Variants in KIAA1755 observed in about 807,000 individuals in gnomAD.
KIAA1755 encodes the protein KIAA1755, also known as uncharacterized protein KIAA1755.
A neutral mutation model predicts 91.7 loss-of-function variants in KIAA1755; 68 were observed. That is an observed-to-expected ratio of 0.74 (90% CI 0.61 to 0.91). The LOEUF is 0.91. KIAA1755 is among the 40% of genes least tolerant of loss of function. The probability of loss-of-function intolerance (pLI) is 0.00; values close to 1 mark genes in which losing one functional copy is unlikely to be tolerated. For synonymous variants in KIAA1755, 610 were observed against 604.6 expected (o/e 1.01, Z -0.13); for missense variants, 1,535 against 1,494.4 (o/e 1.03, Z -0.45).
intron 5 of KIAA1755, among the ~76,000 whole-genome samples, chr20:38,228,835 A>G (rs2075807734): frequency 2.0e-5 from 3 of 152,212 alleles, no homozygotes; most frequent in African/African-American, 4.8e-5. Context: ...CTTAACAGAT[A>G]AAACATTTTA....
intron 2 of KIAA1755, among the ~76,000 whole-genome samples, chr20:38,244,033 C>G (rs970983022): frequency 6.6e-6 from 1 of 152,174 alleles, no homozygotes; most frequent in African/African-American, 2.4e-5. Context: ...AGAAGCCATC[C>G]TGTTAATCAC....
At chr20:38,222,363 T>C (rs1468818076) in intron 10 of KIAA1755, 86 bp downstream of exon 10, 2 of 1,430,784 alleles carry the variant, frequency 1.4e-6, no homozygotes, top group Non-Finnish European at 1.9e-6. Context: ...CTCAGCTATG[T>C]GTGCCCTAGG....
chr20:38,227,364 C>T (rs2075778170), intron 6 of KIAA1755, 124 bp from the exon 7 acceptor site: 1 of 606,304 alleles, frequency 1.6e-6, no homozygotes, highest in South Asian at 2.1e-5. Flanking sequence ...GAGTGGGGTC[C>T]CTCCATGACT....
chr20:38,257,877 T>C (rs1490440245), intron 1 of KIAA1755, among the ~76,000 whole-genome samples: 3 of 152,072 alleles, frequency 2.0e-5, no homozygotes, highest in Non-Finnish European at 4.4e-5. Flanking sequence ...TTTGCCTTCA[T>C]TGAGTACATA....
At chr20:38,237,566 G>T (rs1452103666) in intron 4 of KIAA1755, among the ~76,000 whole-genome samples, 8 of 152,072 alleles carry the variant, frequency 5.3e-5, no homozygotes, top group Admixed American at 5.2e-4. Context: ...GACAGAAGGT[G>T]GGGGAGACAT....
Position 38,240,766 on chromosome 20 carries a change from G to C in KIAA1755, c.1365C>G (p.Pro455=), listed in dbSNP as rs1600629804. The C allele has an allele frequency of 1.9e-6, 3 of 1,597,336 alleles. No individual in the cohort carries two copies. Among genetic ancestry groups the C allele is most frequent in the Middle Eastern group, 1.7e-4 (1 of 5,972 alleles). Residue 455 remains proline, a synonymous_variant, in exon 3 of 14, where the codon CCC becomes CCG. Coordinates refer to ENST00000279024, the MANE Select transcript of KIAA1755 (RefSeq NM_001029864.2). ...ERNGRLPKPM[P]CPSRNTSSPE... ...GGGAGGAGGTGTTTCTGCTAGGGCA[G>C]GGCATGGGCTTGGGAAGTCTCCCAT... is the stretch of plus-strand genomic sequence containing the variant.
chr20:38,219,888 T>G, intron 10 of KIAA1755, 120 bp from the exon 11 acceptor site: 1 of 1,327,850 alleles, frequency 7.5e-7, no homozygotes, highest in Non-Finnish European at 1.0e-6. Context: ...CCAGCTAACT[T>G]GCTGTGTGAC....
chr20:38,237,253 C>G (rs58378531), intron 4 of KIAA1755, among the ~76,000 whole-genome samples: 85 of 152,084 alleles, frequency 5.6e-4, no homozygotes, highest in African/African-American at 2.0e-3. Flanking sequence ...GGTGTGAAGT[C>G]ATCACACAGG....
rs571748478 is a variant in KIAA1755, at chr20:38,253,629, G to A, written c.3+6869C>T. On this transcript the variant is annotated intron_variant, in intron 1 of 13. Coordinates refer to ENST00000279024, the MANE Select transcript of KIAA1755 (RefSeq NM_001029864.2). ...CATGTAAGCCTAGAAAAAACTCCAAGTGGACATTAAGTAAAGTGTTAACTG... is the reference window on the plus strand; with the variant it reads ...CATGTAAGCCTAGAAAAAACTCCAAATGGACATTAAGTAAAGTGTTAACTG... 1.9e-3 allele frequency among the ~76,000 whole-genome samples: 290 copies of A among 152,308 alleles called. 3 individuals are homozygous for A. Among genetic ancestry groups the A allele is most frequent in the African/African-American group, 6.5e-3 (269 of 41,574 alleles).
At chr20:38,253,540 G>A (rs529743890) in intron 1 of KIAA1755, among the ~76,000 whole-genome samples, 78 of 152,086 alleles carry the variant, frequency 5.1e-4, no homozygotes, top group African/African-American at 1.9e-3. Flanking sequence ...TCCCACCCCT[G>A]ACTATTGGAA....
At chr20:38,223,129 T>C in intron 9 of KIAA1755, 1 of 199,020 alleles carries the variant, frequency 5.0e-6, no homozygotes, top group Non-Finnish European at 1.0e-5. Flanking sequence ...GCCCCCTGCC[T>C]GGAGCACAGC....
chr20:38,223,529 C>T lies in KIAA1755; in HGVS notation c.2268+9G>A, dbSNP rs1359526813. 2.6e-6 allele frequency: 4 copies of T among 1,568,254 alleles called. No homozygotes were observed. The African/African-American group carries it at 5.6e-5, about 22-fold the overall frequency. ...TGTAGCTTCCCCAGTCACCATGCTC[C>T]AGGCTCACCTGCATCCCCCCAGGGG... On this transcript the variant is annotated intron_variant, in intron 9 of 13. Coordinates refer to ENST00000279024, the MANE Select transcript of KIAA1755 (RefSeq NM_001029864.2).
In KIAA1755 at chr20:38,211,667, G is replaced by C. The variant is rs2075452531; in HGVS notation, c.*1375C>G. On this transcript the variant is annotated 3_prime_UTR_variant, in exon 14 of 14. Coordinates refer to ENST00000279024, the MANE Select transcript of KIAA1755 (RefSeq NM_001029864.2). ...AGGGAGGCTTGGTGGGGAGGTGAGA[G>C]AGAGGAGGGACCTCTAAGGCGGAGA... 6.6e-6 allele frequency: 1 copy of C among 152,342 alleles called. No homozygotes were observed. The highest frequency in any genetic ancestry group is 1.5e-5 in the Non-Finnish European group (1 of 68,152). The allele number at this position is 152,342 out of a possible 1,614,324, so 9.4% of individuals were successfully genotyped here. A position where few individuals can be genotyped will look rare whatever the true frequency, so the allele number is the denominator to read the frequency against.
Position 38,225,764 on chromosome 20 carries a change from T to A in KIAA1755, c.2070A>T (p.Ser690=), listed in dbSNP as rs2075746169. The change falls in exon 8 of 14, where the codon TCA becomes TCT. Residue 690 remains serine, a synonymous_variant. Transcript: ENST00000279024. ...LPDVQVEVLT[S]LKALSHHVDP... is the part of the protein sequence containing the mutation. The stretch of plus-strand genomic sequence containing the variant: ...CCACATGGTGGCTGAGGGCCTTCAA[T>A]GAGGTCAGCACCTCCACCTGCAGAC... The A allele has an allele frequency of 1.3e-6, 2 of 1,586,108 alleles. No individual in the cohort carries two copies. Among genetic ancestry groups the A allele is most frequent in the Non-Finnish European group, 1.7e-6 (2 of 1,167,912 alleles).
chr20:38,213,837 C>T (rs1469363053), intron 13 of KIAA1755, 94 bp from the exon 14 acceptor site: 11 of 880,534 alleles, frequency 1.2e-5, no homozygotes, highest in Non-Finnish European at 1.7e-5. Context: ...GGGCCCCGCT[C>T]AGCTTGGCCA....
intron 8 of KIAA1755, 135 bp from the exon 9 acceptor site, chr20:38,223,771 G>A (rs2075705334): frequency 3.1e-6 from 2 of 647,140 alleles, no homozygotes; most frequent in Non-Finnish European, 5.3e-6. Context: ...CATCTGGAGA[G>A]CTGGTTAAAA....
rs147922597 is a variant in KIAA1755, at chr20:38,212,854, G to A, written c.*188C>T. ...TTGCTATTCTGCATGGGTGAAGATC[G>A]GGTCTTCCAGGAGTTTTCTGGAGCC... On this transcript the variant is annotated 3_prime_UTR_variant, in exon 14 of 14. Coordinates refer to ENST00000279024, the MANE Select transcript of KIAA1755 (RefSeq NM_001029864.2). 34 of 528,722 alleles carry A rather than the reference G, an allele frequency of 6.4e-5. No individual in the cohort carries two copies. Among genetic ancestry groups the A allele is most frequent in the Middle Eastern group, 4.9e-4 (1 of 2,036 alleles). 32.8% of individuals were successfully genotyped at this position (528,722 alleles called of 1,614,324 possible). A position where few individuals can be genotyped will look rare whatever the true frequency, so the allele number is the denominator to read the frequency against.
chr20:38,215,548 C>T (rs1474934882), intron 13 of KIAA1755, among the ~76,000 whole-genome samples: 4 of 152,110 alleles, frequency 2.6e-5, no homozygotes, highest in African/African-American at 9.7e-5. Context: ...AACAGGGTGA[C>T]GAGAGAGAAC....
At chr20:38,230,655 G>C (rs1214259486) in intron 5 of KIAA1755, among the ~76,000 whole-genome samples, 2 of 152,192 alleles carry the variant, frequency 1.3e-5, no homozygotes, top group Non-Finnish European at 2.9e-5. Flanking sequence ...TTGGGAGGCC[G>C]AGGTGGGTGG....
Sources: allele counts gnomAD v4.1 joint callset (sites outside exome capture counted in the v4.1 genomes callset), GRCh38; gene constraint gnomAD v4.1.1; transcripts MANE v1.5; gene names NCBI Gene and HGNC (gene_info 2026-07-23, HGNC 2026-07-21).